PLXDC2: variants seen among roughly 807,000 people sequenced by gnomAD.
PLXDC2 encodes plexin domain-containing protein 2.
A neutral mutation model predicts 68.9 loss-of-function variants in PLXDC2; 40 were observed. The ratio of observed to expected loss-of-function variants is 0.58; its 90% CI spans 0.45 to 0.76. The LOEUF is 0.76. Ranked by LOEUF, PLXDC2 falls within the 30% of genes least tolerant of loss-of-function variation. The probability of loss-of-function intolerance (pLI) is 0.00; values close to 1 mark genes in which losing one functional copy is unlikely to be tolerated. For missense variants in PLXDC2, 644 were observed against 661.9 expected, an observed-to-expected ratio of 0.97 and a Z score of 0.30; for synonymous variants, 243 against 234.2, an observed-to-expected ratio of 1.04 and a Z score of -0.34.
chr10:20,102,346 C>A (rs963138063), intron 4 of PLXDC2, among the ~76,000 whole-genome samples: 4 of 152,074 alleles, frequency 2.6e-5, no homozygotes, highest in Non-Finnish European at 5.9e-5. Flanking sequence ...GCATAATTAT[C>A]GTTATCTGTC....
intron 4 of PLXDC2, among the ~76,000 whole-genome samples, chr10:20,104,712 C>G (rs1833467436): frequency 6.6e-6 from 1 of 152,056 alleles, no homozygotes. Flanking sequence ...ACATTTTCAG[C>G]AGTAATCTCT....
In PLXDC2 at chr10:19,972,011, G is replaced by T. The variant is rs1834363286; in HGVS notation, c.113-29764G>T. On this transcript the variant is annotated intron_variant, in intron 1 of 13. Transcript: ENST00000377252. Reference sequence around the variant, plus strand: ...ATGCGTTGTGCATAGAGGGAGGAAGGTCCAGTAATTACCTGGGGAATGGGA... The same window carrying T: ...ATGCGTTGTGCATAGAGGGAGGAAGTTCCAGTAATTACCTGGGGAATGGGA... Among the ~76,000 whole-genome samples, 3 of 152,104 alleles carry T rather than the reference G, an allele frequency of 2.0e-5. No homozygotes were observed. In the South Asian group the frequency reaches 6.2e-4, roughly 32 times the overall value.
intron 1 of PLXDC2, among the ~76,000 whole-genome samples, chr10:19,866,976 C>A (rs1837428898): frequency 1.3e-5 from 2 of 151,820 alleles, no homozygotes; most frequent in Admixed American, 6.6e-5. Context: ...GATAGTTTGG[C>A]CTGTGGGTTT....
At chr10:19,871,793 G>T (rs1187351858) in intron 1 of PLXDC2, among the ~76,000 whole-genome samples, 1 of 151,516 alleles carries the variant, frequency 6.6e-6, no homozygotes, top group Non-Finnish European at 1.5e-5. Context: ...GGCTGAGGCA[G>T]GAGAATCACT....
intron 1 of PLXDC2, among the ~76,000 whole-genome samples, chr10:19,960,095 T>A (rs1258988388): frequency 6.6e-6 from 1 of 150,714 alleles, no homozygotes; most frequent in African/African-American, 2.4e-5. Context: ...AGACGGCTCA[T>A]GCCTGACATC....
chr10:19,871,505 G>C (rs1440181923), intron 1 of PLXDC2, among the ~76,000 whole-genome samples: 1 of 152,104 alleles, frequency 6.6e-6, no homozygotes, highest in African/African-American at 2.4e-5. Context: ...GGACCATCCT[G>C]ATATTTCCCA....
chr10:19,962,003 C>A (rs1214824945), intron 1 of PLXDC2, among the ~76,000 whole-genome samples: 1 of 152,076 alleles, frequency 6.6e-6, no homozygotes, highest in Non-Finnish European at 1.5e-5. Context: ...GAAAATGATA[C>A]TGAATGTATT....
chr10:20,193,185 A>T (rs1834791803), intron 9 of PLXDC2, among the ~76,000 whole-genome samples: 1 of 152,112 alleles, frequency 6.6e-6, no homozygotes, highest in African/African-American at 2.4e-5. Flanking sequence ...ATTATTCTCC[A>T]TAATGGAATT....
chr10:19,923,643 C>G (rs902988599), intron 1 of PLXDC2, among the ~76,000 whole-genome samples: 3 of 152,130 alleles, frequency 2.0e-5, no homozygotes, highest in Non-Finnish European at 4.4e-5. Flanking sequence ...ACTAACAAGT[C>G]TTATCTTTGA....
intron 1 of PLXDC2, among the ~76,000 whole-genome samples, chr10:19,949,888 T>G (rs934546202): frequency 6.6e-6 from 1 of 152,210 alleles, no homozygotes; most frequent in African/African-American, 2.4e-5. Context: ...TTATCCATGC[T>G]CAATATATGA....
intron 1 of PLXDC2, among the ~76,000 whole-genome samples, chr10:19,977,092 C>G (rs1161664140): frequency 6.6e-6 from 1 of 152,104 alleles, no homozygotes; most frequent in Non-Finnish European, 1.5e-5. Context: ...AGTTGAGTCT[C>G]ACTTGTTTAT....
At chr10:20,039,649 A>C (rs1304286635) in intron 2 of PLXDC2, among the ~76,000 whole-genome samples, 3 of 152,214 alleles carry the variant, frequency 2.0e-5, no homozygotes, top group Non-Finnish European at 4.4e-5. Flanking sequence ...TGATTAAAAA[A>C]ATCAACAATT....
At chr10:20,018,326 A>G (rs1387544378) in intron 2 of PLXDC2, among the ~76,000 whole-genome samples, 1 of 152,228 alleles carries the variant, frequency 6.6e-6, no homozygotes, top group African/African-American at 2.4e-5. Context: ...TCAGTAAGAT[A>G]TATGATTCTT....
chr10:19,868,002 C>T (rs1016459774), intron 1 of PLXDC2, among the ~76,000 whole-genome samples: 15 of 152,076 alleles, frequency 9.9e-5, no homozygotes, highest in Admixed American at 7.2e-4. Flanking sequence ...TTTGTCAATG[C>T]CTATTTAGAA....
intron 4 of PLXDC2, among the ~76,000 whole-genome samples, chr10:20,123,850 A>G (rs1245971037): frequency 6.6e-6 from 1 of 151,906 alleles, no homozygotes; most frequent in Admixed American, 6.6e-5. Context: ...AGGTTGGGGC[A>G]TGGAAATAAG....
At chr10:20,269,500 G>A (rs1484235332) in intron 13 of PLXDC2, among the ~76,000 whole-genome samples, 1 of 152,132 alleles carries the variant, frequency 6.6e-6, no homozygotes, top group Non-Finnish European at 1.5e-5. Context: ...TAAGCAGAGA[G>A]GAAGGGGAGA....
chr10:20,049,779 A>G (rs763629596), intron 3 of PLXDC2, among the ~76,000 whole-genome samples: 3 of 152,180 alleles, frequency 2.0e-5, no homozygotes, highest in Non-Finnish European at 4.4e-5. Context: ...TAAAATGGTC[A>G]TACTGCCCAA....
At chr10:19,892,555 T>A (rs969035055) in intron 1 of PLXDC2, among the ~76,000 whole-genome samples, 1 of 152,234 alleles carries the variant, frequency 6.6e-6, no homozygotes, top group Admixed American at 6.5e-5. Flanking sequence ...ATGTACATAG[T>A]CATGTCTAGG....
At chr10:20,043,853 A>G (rs964581871) in intron 2 of PLXDC2, among the ~76,000 whole-genome samples, 2 of 151,926 alleles carry the variant, frequency 1.3e-5, no homozygotes, top group Non-Finnish European at 2.9e-5. Context: ...TCAGTGAATG[A>G]TATAAAGTGG....
Sources: allele counts gnomAD v4.1 joint callset (sites outside exome capture counted in the v4.1 genomes callset), GRCh38; gene constraint gnomAD v4.1.1; transcripts MANE v1.5; gene names NCBI Gene and HGNC (gene_info 2026-07-23, HGNC 2026-07-21).